Variants in NLGN1 observed in about 807,000 individuals in gnomAD.
The protein encoded by NLGN1 is neuroligin 1.
A neutral mutation model predicts 65.5 loss-of-function variants in NLGN1; 12 were observed. The ratio of observed to expected loss-of-function variants is 0.18; its 90% CI spans 0.12 to 0.30. The LOEUF is 0.30. Ranked by LOEUF, NLGN1 falls within the 10% of genes least tolerant of loss-of-function variation. The pLI is 1.00. For missense variants in NLGN1, 750 were observed against 1,007.1 expected (o/e 0.74, Z 3.46); for synonymous variants, 350 against 359.5 (o/e 0.97, Z 0.30).
intron 2 of NLGN1, among the ~76,000 whole-genome samples, chr3:173,571,850 C>T (rs62289862): frequency 0.37 from 55,677 of 151,832 alleles, 11,028 homozygotes; most frequent in East Asian, 0.73. Context: ...TTCTCAAAAG[C>T]AAAACTTAGG....
At chr3:173,886,026 A>T (rs1734267136) in intron 4 of NLGN1, among the ~76,000 whole-genome samples, 1 of 152,162 alleles carries the variant, frequency 6.6e-6, no homozygotes, top group African/African-American at 2.4e-5. Flanking sequence ...AACATTATTT[A>T]AAACCGTCAT....
At chr3:173,787,178 T>G (rs987702297) in intron 3 of NLGN1, among the ~76,000 whole-genome samples, 2 of 152,234 alleles carry the variant, frequency 1.3e-5, no homozygotes, top group African/African-American at 4.8e-5. Flanking sequence ...GCAGCTTCTC[T>G]TAGTGTATTT....
intron 4 of NLGN1, among the ~76,000 whole-genome samples, chr3:174,166,094 G>A (rs371437387): frequency 2.0e-5 from 3 of 150,938 alleles, no homozygotes; most frequent in African/African-American, 7.3e-5. Flanking sequence ...TTTTTTTTCT[G>A]CTTTTTATTC....
At chr3:173,459,665 GTTAAAC>G (rs1370348184) in intron 2 of NLGN1, among the ~76,000 whole-genome samples, 1 of 152,004 alleles carries the variant, frequency 6.6e-6, no homozygotes, top group South Asian at 2.1e-4. Context: ...TTAATGTCTA[GTTAAAC>G]TTAAAGATGC....
intron 3 of NLGN1, among the ~76,000 whole-genome samples, chr3:173,769,486 C>T (rs565329103): frequency 5.3e-4 from 80 of 152,300 alleles, no homozygotes; most frequent in Non-Finnish European, 1.1e-3. Flanking sequence ...AGGAATCTTT[C>T]GAACTTTTCA....
intron 3 of NLGN1, among the ~76,000 whole-genome samples, chr3:173,635,563 A>G (rs1756444069): frequency 6.6e-6 from 1 of 152,152 alleles, no homozygotes; most frequent in African/African-American, 2.4e-5. Flanking sequence ...AACACGTAAA[A>G]TTTTTCTAAA....
At chr3:174,121,981 C>T (rs1374973256) in intron 4 of NLGN1, among the ~76,000 whole-genome samples, 1 of 152,150 alleles carries the variant, frequency 6.6e-6, no homozygotes, top group Admixed American at 6.5e-5. Flanking sequence ...TACACCCACG[C>T]TCTCCTCCAT....
At chr3:173,939,152 T>C (rs1745548508) in intron 4 of NLGN1, among the ~76,000 whole-genome samples, 1 of 152,244 alleles carries the variant, frequency 6.6e-6, no homozygotes, top group African/African-American at 2.4e-5. Flanking sequence ...TACGTAGTTT[T>C]CGCATGCTTC....
chr3:174,013,957 C>A (rs1726049303), intron 4 of NLGN1, among the ~76,000 whole-genome samples: 1 of 152,068 alleles, frequency 6.6e-6, no homozygotes, highest in African/African-American at 2.4e-5. Context: ...TCAAGTGGTC[C>A]TCTCTCTTCA....
chr3:173,626,488 T>G (rs1211328268), intron 3 of NLGN1, among the ~76,000 whole-genome samples: 1 of 152,098 alleles, frequency 6.6e-6, no homozygotes, highest in Non-Finnish European at 1.5e-5. Flanking sequence ...ACTTTGAAGT[T>G]TTTGCTGAAA....
intron 4 of NLGN1, among the ~76,000 whole-genome samples, chr3:173,949,127 C>T (rs1747735261): frequency 6.6e-6 from 1 of 151,876 alleles, no homozygotes; most frequent in Non-Finnish European, 1.5e-5. Flanking sequence ...AGAAAAATAG[C>T]TCTCAGCACA....
intron 4 of NLGN1, among the ~76,000 whole-genome samples, chr3:174,055,804 T>G (rs1209798941): frequency 6.6e-6 from 1 of 152,054 alleles, no homozygotes; most frequent in Non-Finnish European, 1.5e-5. Context: ...TCAATAATTG[T>G]CAGCAATAAT....
chr3:174,062,370 A>G (rs1737602336), intron 4 of NLGN1, among the ~76,000 whole-genome samples: 1 of 152,076 alleles, frequency 6.6e-6, no homozygotes, highest in Admixed American at 6.6e-5. Context: ...ACCCTGTTTT[A>G]TATAGAAACT....
intron 4 of NLGN1, among the ~76,000 whole-genome samples, chr3:174,199,662 G>A (rs1400052244): frequency 6.6e-6 from 1 of 152,082 alleles, no homozygotes; most frequent in South Asian, 2.1e-4. Flanking sequence ...TACATGCTCC[G>A]AAAGGCTCAG....
At position 174,280,765 on chromosome 3, in the gene NLGN1, C is replaced by T. The variant is rs774856371; in HGVS notation, c.1934C>T (p.Pro645Leu). 6.2e-7 allele frequency: 1 copy of T among 1,613,328 alleles called. No individual in the cohort carries two copies. The highest frequency in any genetic ancestry group is 1.1e-5 in the South Asian group (1 of 91,072). ...AGACCTACGAGAAAAAATTCTGTAC[C>T]TGTCACGTCAGCCTTTCCCACTGCC... Residue 645 changes from proline (P) to leucine (L), a missense_variant, in exon 7 of 7, where the codon CCT (proline) becomes CTT (leucine). Coordinates refer to ENST00000457714, the Ensembl canonical transcript of NLGN1. The surrounding 1 kb of genome is among the most constrained non-coding windows in gnomAD (Gnocchi z 4.9).
intron 4 of NLGN1, among the ~76,000 whole-genome samples, chr3:173,836,421 C>A (rs1002942780): frequency 2.6e-5 from 4 of 152,160 alleles, no homozygotes; most frequent in East Asian, 1.9e-4. Flanking sequence ...CATACTACTA[C>A]TAATAATAAT....
intron 3 of NLGN1, among the ~76,000 whole-genome samples, chr3:173,793,803 T>C (rs1713351152): frequency 6.6e-6 from 1 of 152,118 alleles, no homozygotes; most frequent in Non-Finnish European, 1.5e-5. Flanking sequence ...CCTGTCATAT[T>C]TCTGAGAATG....
At chr3:173,633,911 C>T (rs545606686) in intron 3 of NLGN1, among the ~76,000 whole-genome samples, 16 of 152,154 alleles carry the variant, frequency 1.1e-4, no homozygotes, top group South Asian at 6.2e-4. Flanking sequence ...ACATATAATC[C>T]ACTTATATTA....
intron 4 of NLGN1, among the ~76,000 whole-genome samples, chr3:174,129,575 T>C (rs1719738028): frequency 6.6e-6 from 1 of 152,200 alleles, no homozygotes. Context: ...GTTGTTAGAT[T>C]TTTTTGAGGG....
Sources: gnomAD v4.1 joint callset for allele counts (sites outside exome capture counted in the v4.1 genomes callset) on GRCh38, gnomAD v4.1.1 for gene constraint, Gnocchi (gnomAD v3.1) non-coding constraint, MANE v1.5 for transcripts, NCBI Gene and HGNC (gene_info 2026-07-23, HGNC 2026-07-21) for gene names.